Variants in SSH1 observed in about 807,000 individuals in gnomAD.
SSH1 encodes the protein protein phosphatase Slingshot homolog 1.
A neutral mutation model predicts 79.7 loss-of-function variants in SSH1; 43 were observed. The observed-to-expected ratio is 0.54, with a 90% confidence interval of 0.42 to 0.70. The LOEUF (loss-of-function observed/expected upper bound fraction) is 0.70. Among genes scored for constraint, SSH1 ranks in the 30% least tolerant of loss-of-function variants. The probability of loss-of-function intolerance (pLI) is 0.00; values close to 1 mark genes in which losing one functional copy is unlikely to be tolerated. For missense variants in SSH1, 1,206 were observed against 1,358.8 expected (o/e 0.89, Z 1.77); for synonymous variants, 599 against 538.3 (o/e 1.11, Z -1.56).
intron 10 of SSH1, among the ~76,000 whole-genome samples, chr12:108,804,052 C>T (rs1175365301): frequency 1.3e-5 from 2 of 152,060 alleles, no homozygotes; most frequent in African/African-American, 2.4e-5. Flanking sequence ...AAACTGTACT[C>T]GGTGCTTTAA....
chr12:108,856,607 G>A (rs1011961481), intron 1 of SSH1, among the ~76,000 whole-genome samples: 1 of 152,222 alleles, frequency 6.6e-6, no homozygotes, highest in Admixed American at 6.5e-5. Flanking sequence ...CCCACAGCAC[G>A]CTCGGTCACC....
chr12:108,843,953 A>C (rs971961633), intron 2 of SSH1, among the ~76,000 whole-genome samples: 1 of 152,312 alleles, frequency 6.6e-6, no homozygotes, highest in African/African-American at 2.4e-5. Context: ...TATACTACAA[A>C]GCAAGTACCA....
intron 2 of SSH1, among the ~76,000 whole-genome samples, chr12:108,824,051 T>C (rs1378335520): frequency 6.6e-6 from 1 of 152,192 alleles, no homozygotes; most frequent in Non-Finnish European, 1.5e-5. Context: ...TGTTGATCTC[T>C]GCTTCTAACT....
rs1406117489 is a variant in SSH1 at position 108,787,925 on chromosome 12, CAGTGAA to C, written c.*57_*62del. The C allele has an allele frequency of 6.3e-7, 1 of 1,598,400 alleles. No individual in the cohort carries two copies. Among genetic ancestry groups the C allele is most frequent in the Non-Finnish European group, 8.6e-7 (1 of 1,166,942 alleles). ...GATGTAAGGGGTCGATCCAAATCCA[CAGTGAA>C]AGTGAGGGAGGGATCATATGAAAAT... On this transcript the variant is annotated 3_prime_UTR_variant, in exon 15 of 15. Coordinates refer to ENST00000326495, the MANE Select transcript of SSH1 (RefSeq NM_018984.4).
At chr12:108,801,155 A>G (rs566544293) in intron 11 of SSH1, among the ~76,000 whole-genome samples, 1 of 152,350 alleles carries the variant, frequency 6.6e-6, no homozygotes, top group East Asian at 1.9e-4. Context: ...AAATTATTGT[A>G]AAGACCTTAT....
At chr12:108,800,699 C>T in intron 12 of SSH1, 81 bp downstream of exon 12, 1 of 1,573,066 alleles carries the variant, frequency 6.4e-7, no homozygotes, top group South Asian at 1.1e-5. Context: ...CCGACTTCTG[C>T]ATCTGCAGTC....
Position 108,805,234 on chromosome 12 carries a change from G to T in SSH1, c.826-50C>A, listed in dbSNP as rs773671683. On this transcript the variant is annotated intron_variant, in intron 9 of 14. Transcript: ENST00000326495. ...AAGTGATTTGTTAAAGAAAACAATC[G>T]TCCACCTCAAAAGAATTAAAGTTAC... 8 of 1,591,696 alleles carry T rather than the reference G, an allele frequency of 5.0e-6. No homozygotes were observed. The South Asian group carries it at 8.8e-5, about 18-fold the overall frequency.
At chr12:108,815,284 C>G (rs1427969592) in intron 5 of SSH1, among the ~76,000 whole-genome samples, 1 of 152,150 alleles carries the variant, frequency 6.6e-6, no homozygotes, top group Non-Finnish European at 1.5e-5. Flanking sequence ...GTAGCACTAC[C>G]CACCCCAGGG....
chr12:108,806,566 G>A (rs1187675814), intron 8 of SSH1, among the ~76,000 whole-genome samples, 172 bp from the exon 9 acceptor site: 3 of 152,200 alleles, frequency 2.0e-5, no homozygotes, highest in Non-Finnish European at 4.4e-5. Context: ...AAAACCCGCT[G>A]CAGCTCTAGA....
intron 5 of SSH1, 93 bp from the exon 6 acceptor site, chr12:108,811,421 T>C: frequency 9.0e-7 from 1 of 1,113,078 alleles, no homozygotes; most frequent in South Asian, 1.2e-5. Flanking sequence ...GACGGGCTGT[T>C]GGACGTACGT....
In SSH1 at chr12:108,782,007, G is replaced by A. The variant is rs952786603; in HGVS notation, c.*5981C>T. On this transcript the variant is annotated 3_prime_UTR_variant, in exon 15 of 15. Transcript: ENST00000326495. ...GTGCACGCCTGTAGTCCCAGCTACT[G>A]GGGAGGCTGAGGTGGGAGGATTGCT... 1 of 151,736 alleles carries A rather than the reference G, an allele frequency of 6.6e-6. No individual in the cohort carries two copies. Among genetic ancestry groups the A allele is most frequent in the African/African-American group, 2.4e-5 (1 of 41,268 alleles). 9.4% of individuals were successfully genotyped at this position (151,736 alleles called of 1,614,324 possible). A position where few individuals can be genotyped will look rare whatever the true frequency, so the allele number is the denominator to read the frequency against.
chr12:108,847,125 C>T (rs958706906), intron 2 of SSH1, among the ~76,000 whole-genome samples: 2 of 152,114 alleles, frequency 1.3e-5, no homozygotes, highest in African/African-American at 2.4e-5. Flanking sequence ...TCTCAAACTA[C>T]GGGGCTCAAG....
intron 5 of SSH1, among the ~76,000 whole-genome samples, chr12:108,814,877 G>A (rs1274980295): frequency 2.6e-5 from 4 of 152,088 alleles, no homozygotes; most frequent in East Asian, 1.9e-4. Context: ...CGGTGCGGAC[G>A]AGCGCACGGG....
intron 13 of SSH1, among the ~76,000 whole-genome samples, chr12:108,793,634 G>A (rs1312079035): frequency 2.0e-5 from 3 of 151,934 alleles, no homozygotes; most frequent in Admixed American, 6.6e-5. Context: ...GGTCTCAAGC[G>A]ATCCTCCTAC....
At chr12:108,823,770 C>T (rs1458345515) in intron 2 of SSH1, among the ~76,000 whole-genome samples, 1 of 152,082 alleles carries the variant, frequency 6.6e-6, no homozygotes, top group Non-Finnish European at 1.5e-5. Flanking sequence ...TGGGTTCAAG[C>T]GATTCTCATG....
At position 108,838,773 on chromosome 12, in the gene SSH1, C is replaced by T. The variant is rs540660243; in HGVS notation, c.110+13865G>A. 5.3e-5 allele frequency among the ~76,000 whole-genome samples: 8 copies of T among 152,298 alleles called. No homozygotes were observed. The East Asian group carries it at 9.6e-4, about 18-fold the overall frequency. On this transcript the variant is annotated intron_variant, in intron 2 of 14. Coordinates refer to ENST00000326495, the MANE Select transcript of SSH1 (RefSeq NM_018984.4). ...AGGTATCTATCAGGAAGAGTTCTTC[C>T]GAGGAACTGATCTGCTGGTATTTTC...
At chr12:108,852,848 G>C (rs2039071793) in intron 1 of SSH1, 170 bp from the exon 2 acceptor site, 1 of 985,284 alleles carries the variant, frequency 1.0e-6, no homozygotes, top group African/African-American at 1.7e-5. Context: ...CTGTCCCTTG[G>C]AGTCATTTCC....
rs1336190350 is a variant in SSH1, at chr12:108,807,381, C to A, written c.731+252G>T. 6.6e-6 allele frequency among the ~76,000 whole-genome samples: 1 copy of A among 152,018 alleles called. No homozygotes were observed. Among genetic ancestry groups the A allele is most frequent in the Non-Finnish European group, 1.5e-5 (1 of 68,014 alleles). On this transcript the variant is annotated intron_variant, in intron 8 of 14. Coordinates refer to ENST00000326495, the MANE Select transcript of SSH1 (RefSeq NM_018984.4). This position sits in a 1 kb window ranked among gnomAD's most constrained non-coding sequence, Gnocchi z 5.2. ...TGAGAGTCTGATGGGAGTTACGGAC[C>A]CCGTCCCCAGAAATGCATTCACCAA...
At chr12:108,835,489 G>C (rs1044868458) in intron 2 of SSH1, among the ~76,000 whole-genome samples, 1 of 152,152 alleles carries the variant, frequency 6.6e-6, no homozygotes, top group Non-Finnish European at 1.5e-5. Context: ...TAAGTCACCT[G>C]CCCAAGTTCA....
Sources: gnomAD v4.1 joint callset for allele counts (sites outside exome capture counted in the v4.1 genomes callset) on GRCh38, gnomAD v4.1.1 for gene constraint, Gnocchi (gnomAD v3.1) non-coding constraint, MANE v1.5 for transcripts, NCBI Gene and HGNC (gene_info 2026-07-23, HGNC 2026-07-21) for gene names.